Variants in NFATC1 observed in about 807,000 individuals in gnomAD.
The protein encoded by NFATC1 is nuclear factor of activated T cells 1.
A neutral mutation model predicts 76.0 loss-of-function variants in NFATC1; 22 were observed. The ratio of observed to expected loss-of-function variants is 0.29; its 90% CI spans 0.21 to 0.41. NFATC1 has a LOEUF of 0.41. Ranked by LOEUF, NFATC1 falls within the 10% of genes least tolerant of loss-of-function variation. The pLI is 1.00. For synonymous variants in NFATC1, 704 were observed against 613.1 expected, an observed-to-expected ratio of 1.15 and a Z score of -2.19; for missense variants, 1,357 against 1,337.7, an observed-to-expected ratio of 1.01 and a Z score of -0.23.
intron 9 of NFATC1, among the ~76,000 whole-genome samples, chr18:79,500,760 A>G (rs765183458): frequency 6.6e-6 from 1 of 152,190 alleles, no homozygotes; most frequent in Non-Finnish European, 1.5e-5. Context: ...TGAAATGGAA[A>G]CATTCTTAGA....
chr18:79,488,298 T>TTGTGTGTG (rs3222211), intron 9 of NFATC1, among the ~76,000 whole-genome samples: 2,284 of 141,050 alleles, frequency 0.016, 25 homozygotes, highest in Non-Finnish European at 0.021. Flanking sequence ...GCAGCCCTGG[T>TTGTGTGTG]TGTGTGTGTG....
At chr18:79,487,210 G>T (rs1037683247) in intron 9 of NFATC1, among the ~76,000 whole-genome samples, 1 of 152,208 alleles carries the variant, frequency 6.6e-6, no homozygotes, top group Non-Finnish European at 1.5e-5. Flanking sequence ...GACCTGTCCC[G>T]GGGTCTAAGG....
intron 8 of NFATC1, among the ~76,000 whole-genome samples, chr18:79,472,967 C>T (rs529460695): frequency 6.6e-6 from 1 of 152,350 alleles, no homozygotes; most frequent in South Asian, 2.1e-4. Flanking sequence ...GCAGACGACC[C>T]ACACTCCATG....
At chr18:79,402,999 C>T (rs2148146076) in intron 1 of NFATC1, among the ~76,000 whole-genome samples, 1 of 152,342 alleles carries the variant, frequency 6.6e-6, no homozygotes, top group Non-Finnish European at 1.5e-5. Flanking sequence ...GAAAGTCAAG[C>T]TTTGTTGTAA....
Position 79,506,551 on chromosome 18 carries a change from C to T in NFATC1, c.2782+19614C>T, listed in dbSNP as rs189203772. On this transcript the variant is annotated intron_variant, in intron 9 of 9. Coordinates refer to ENST00000427363, the MANE Select transcript of NFATC1 (RefSeq NM_001278669.2). ...CGTGGTTCATTGGCCTCTGAAGATG[C>T]TCAGTGCTGGGGGAATTGGGCTTGA... 1.1e-3 allele frequency among the ~76,000 whole-genome samples: 172 copies of T among 152,340 alleles called. 2 individuals are homozygous for T. Among genetic ancestry groups the T allele is most frequent in the Non-Finnish European group, 7.9e-4 (54 of 68,034 alleles).
chr18:79,445,976 C>T (rs1297754823), intron 3 of NFATC1, among the ~76,000 whole-genome samples: 3 of 152,144 alleles, frequency 2.0e-5, no homozygotes, highest in Non-Finnish European at 4.4e-5. Flanking sequence ...AACATTGTAA[C>T]GTGTAGGAGA....
At chr18:79,476,972 T>C (rs1006916342) in intron 8 of NFATC1, among the ~76,000 whole-genome samples, 1 of 152,056 alleles carries the variant, frequency 6.6e-6, no homozygotes, top group African/African-American at 2.4e-5. Context: ...GCGGATGGAG[T>C]TCGGAAGGAC....
intron 2 of NFATC1, among the ~76,000 whole-genome samples, chr18:79,413,862 G>T (rs946084974): frequency 6.6e-6 from 1 of 152,106 alleles, no homozygotes; most frequent in African/African-American, 2.4e-5. Context: ...CTCTGCTTGG[G>T]GGTTTCAGGA....
At chr18:79,400,279 C>CG (rs1268690900) in intron 1 of NFATC1, 8 of 953,168 alleles carry the variant, frequency 8.4e-6, no homozygotes, top group Non-Finnish European at 6.5e-6. Context: ...GGGGCGGGGA[C>CG]GGGGGGAGGG....
chr18:79,447,357 C>G (rs948327748), intron 3 of NFATC1, among the ~76,000 whole-genome samples: 1 of 152,256 alleles, frequency 6.6e-6, no homozygotes, highest in South Asian at 2.1e-4. Context: ...GGGCAGGCGT[C>G]GCATTTTCCT....
In NFATC1 at chr18:79,486,447, G is replaced by A. The variant is rs1255571793; in HGVS notation, c.2292G>A (p.Val764=). 6.2e-7 allele frequency: 1 copy of A among 1,611,620 alleles called. No homozygotes were observed. The highest frequency in any genetic ancestry group is 1.3e-5 in the African/African-American group (1 of 75,030). The change falls in exon 9 of 10, where the codon GTG becomes GTA. Residue 764 remains valine (V), a synonymous_variant. Transcript: ENST00000427363. ...CCCTGATGCCAGCGGCCCCTGGCGTGAGCCCCAAGCTCCACGACCTTTCTC... is the reference window on the plus strand; with the variant it reads ...CCCTGATGCCAGCGGCCCCTGGCGTAAGCCCCAAGCTCCACGACCTTTCTC... ...RSTLMPAAPG[V]SPKLHDLSPA...
intron 1 of NFATC1, among the ~76,000 whole-genome samples, chr18:79,403,970 A>G (rs1046824117): frequency 2.0e-5 from 3 of 152,202 alleles, no homozygotes; most frequent in Non-Finnish European, 1.5e-5. Context: ...TGCTATTACC[A>G]TGCACAGCTC....
intron 7 of NFATC1, among the ~76,000 whole-genome samples, chr18:79,463,819 C>G (rs1285853133): frequency 6.6e-6 from 1 of 152,210 alleles, no homozygotes; most frequent in Non-Finnish European, 1.5e-5. Flanking sequence ...CCCGCACATG[C>G]ACGCGGGTTG....
Position 79,410,319 on chromosome 18 carries a change from G to T in NFATC1, c.128-84G>T. 1.3e-6 allele frequency: 2 copies of T among 1,522,892 alleles called. No homozygotes were observed. Among genetic ancestry groups the T allele is most frequent in the Non-Finnish European group, 1.8e-6 (2 of 1,140,436 alleles). The allele number at this position is 1,522,892 out of a possible 1,614,324, so 94.3% of individuals were successfully genotyped here. On this transcript the variant is annotated intron_variant, in intron 1 of 9. Coordinates refer to ENST00000427363, the MANE Select transcript of NFATC1 (RefSeq NM_001278669.2). This position sits in a 1 kb window ranked among gnomAD's most constrained non-coding sequence, Gnocchi z 6.7. ...TGGGGTCCGTTGGTCGAGGCCGGGG[G>T]TTGCTGGCCGGCCCTGAGTTCATGG...
At chr18:79,464,698 A>ATATATATATATT (rs1329123171) in intron 7 of NFATC1, among the ~76,000 whole-genome samples, 9 of 94,872 alleles carry the variant, frequency 9.5e-5, no homozygotes, top group Non-Finnish European at 1.2e-4. Flanking sequence ...ATATATATTT[A>ATATATATATATT]TTTATTTATT....
chr18:79,449,013 G>T, intron 4 of NFATC1, 29 bp downstream of exon 4: 1 of 1,607,366 alleles, frequency 6.2e-7, no homozygotes, highest in South Asian at 1.1e-5. Flanking sequence ...CCGGCCTCTG[G>T]CAGGGGGCGG....
chr18:79,445,523 C>T (rs2087170832), intron 3 of NFATC1, among the ~76,000 whole-genome samples: 1 of 152,214 alleles, frequency 6.6e-6, no homozygotes, highest in African/African-American at 2.4e-5. Context: ...GATGAGGATT[C>T]CAGGGCTGAG....
At chr18:79,460,592 A>T (rs1249048345) in intron 6 of NFATC1, among the ~76,000 whole-genome samples, 1 of 152,234 alleles carries the variant, frequency 6.6e-6, no homozygotes, top group East Asian at 1.9e-4. Context: ...GCAAATGGCC[A>T]CTGGGGAAAT....
intron 9 of NFATC1, among the ~76,000 whole-genome samples, chr18:79,518,175 G>A (rs1433444511): frequency 6.6e-6 from 1 of 152,242 alleles, no homozygotes; most frequent in Non-Finnish European, 1.5e-5. Flanking sequence ...GACTGCATGG[G>A]CCTGGCGTGC....
Sources: allele counts gnomAD v4.1 joint callset (sites outside exome capture counted in the v4.1 genomes callset), GRCh38; gene constraint gnomAD v4.1.1; non-coding constraint Gnocchi (gnomAD v3.1); transcripts MANE v1.5; gene names NCBI Gene and HGNC (gene_info 2026-07-23, HGNC 2026-07-21).